The following RBFOX2 variants were observed in gnomAD, a reference collection of about 807,000 sequenced individuals.
RBFOX2 encodes the protein RNA binding protein fox-1 homolog 2.
RBFOX2 carries 10 observed loss-of-function variants against 49.1 expected under a neutral mutation model. The observed-to-expected ratio is 0.20, with a 90% CI of 0.13 to 0.35. The LOEUF (loss-of-function observed/expected upper bound fraction) is 0.35. Ranked by LOEUF, RBFOX2 falls within the 10% of genes least tolerant of loss-of-function variation. RBFOX2 has a pLI of 1.00. For missense variants in RBFOX2, 323 were observed against 486.9 expected, an observed-to-expected ratio of 0.66 and a Z score of 3.17; for synonymous variants, 183 against 187.4, an observed-to-expected ratio of 0.98 and a Z score of 0.19.
At chr22:36,017,908 T>C (rs549577236) in intron 1 of RBFOX2, among the ~76,000 whole-genome samples, 1 of 152,322 alleles carries the variant, frequency 6.6e-6, no homozygotes, top group South Asian at 2.1e-4. Flanking sequence ...CCCCAGCTTC[T>C]GTTTTCAGAG....
chr22:36,021,684 CTT>C (rs905276161), intron 1 of RBFOX2, among the ~76,000 whole-genome samples: 1 of 152,236 alleles, frequency 6.6e-6, no homozygotes, highest in Non-Finnish European at 1.5e-5. Context: ...TGCTCATTCT[CTT>C]GAGTAAATGA....
At chr22:35,993,290 C>T (rs1029303454) in intron 1 of RBFOX2, 3 of 152,172 alleles carry the variant, frequency 2.0e-5, no homozygotes, top group African/African-American at 7.2e-5. Flanking sequence ...AGCCACTGGA[C>T]TCTGACCATC....
rs1186816924 is a variant in RBFOX2 at position 36,028,709 on chromosome 22, C to G, written c.-284G>C. 7.9e-5 allele frequency among the ~76,000 whole-genome samples: 12 copies of G among 151,290 alleles called. No homozygotes were observed. In the East Asian group the frequency reaches 2.3e-3, roughly 30 times the overall value. ...CGCGCCCCCGCACGCACACGCGAAA[C>G]CCGGCCCGGCCCGCCGCGCCGCCCC... On this transcript the variant is annotated 5_prime_UTR_variant, in exon 1 of 14. Transcript: ENST00000438146.
upstream of RBFOX2, among the ~76,000 whole-genome samples, chr22:35,843,285 TG>T (rs2040743709): frequency 6.6e-6 from 1 of 152,074 alleles, no homozygotes; most frequent in Non-Finnish European, 1.5e-5. Context: ...TGGAACAGGG[TG>T]GGCACGATGA....
chr22:35,760,277 C>A (rs1938317513), intron 8 of RBFOX2, among the ~76,000 whole-genome samples: 1 of 152,162 alleles, frequency 6.6e-6, no homozygotes, highest in South Asian at 2.1e-4. Flanking sequence ...CTTCTCTGTT[C>A]CTTCTCAATT....
chr22:35,809,043 C>A (rs535645264), intron 2 of RBFOX2, among the ~76,000 whole-genome samples: 3 of 146,806 alleles, frequency 2.0e-5, no homozygotes, highest in Admixed American at 6.7e-5. Context: ...AGTAGGAAAT[C>A]GGCATTTGCA....
chr22:35,793,354 C>T (rs1948154393), intron 2 of RBFOX2, among the ~76,000 whole-genome samples: 1 of 152,146 alleles, frequency 6.6e-6, no homozygotes. Flanking sequence ...GCATGGGCAA[C>T]AAGAATGAAA....
chr22:35,837,221 T>A (rs1369887614), intron 1 of RBFOX2, among the ~76,000 whole-genome samples: 1 of 152,186 alleles, frequency 6.6e-6, no homozygotes, highest in Non-Finnish European at 1.5e-5. Context: ...GACAAGGATC[T>A]AATATGGTAT....
intron 1 of RBFOX2, among the ~76,000 whole-genome samples, chr22:35,852,984 G>A (rs2042111317): frequency 6.6e-6 from 1 of 151,990 alleles, no homozygotes; most frequent in East Asian, 1.9e-4. Context: ...GAAAAGATAC[G>A]ACTGATGCAT....
chr22:35,897,389 T>C (rs2047982850), intron 1 of RBFOX2: 1 of 1,061,194 alleles, frequency 9.4e-7, no homozygotes, highest in Non-Finnish European at 1.5e-6. Flanking sequence ...TACCAAGGTC[T>C]TCTAAGCTGG....
chr22:35,903,957 C>T (rs1436457236), intron 1 of RBFOX2, among the ~76,000 whole-genome samples: 1 of 151,794 alleles, frequency 6.6e-6, no homozygotes, highest in Non-Finnish European at 1.5e-5. Flanking sequence ...TCTTTCCAAA[C>T]TCCTTATGAT....
chr22:35,780,378 AAAC>A (rs1437623927), intron 3 of RBFOX2, among the ~76,000 whole-genome samples: 1 of 152,120 alleles, frequency 6.6e-6, no homozygotes, highest in Non-Finnish European at 1.5e-5. Flanking sequence ...CAAAAAAAAA[AAAC>A]AAAAAAACTA....
chr22:35,927,463 G>A (rs1057122659), intron 1 of RBFOX2, among the ~76,000 whole-genome samples: 2 of 152,134 alleles, frequency 1.3e-5, no homozygotes, highest in Non-Finnish European at 2.9e-5. Flanking sequence ...AATTAGCTGG[G>A]TGTGGTGGCA....
At chr22:36,012,599 A>G (rs1389519482) in intron 1 of RBFOX2, among the ~76,000 whole-genome samples, 1 of 151,982 alleles carries the variant, frequency 6.6e-6, no homozygotes, top group Non-Finnish European at 1.5e-5. Flanking sequence ...TCTCTTAAAA[A>G]TAATAATAAC....
At chr22:35,791,375 A>G (rs1327114085) in intron 2 of RBFOX2, among the ~76,000 whole-genome samples, 1 of 148,832 alleles carries the variant, frequency 6.7e-6, no homozygotes, top group Non-Finnish European at 1.5e-5. Context: ...ACAGAGCAAA[A>G]ACTCTGTCTC....
At chr22:35,871,240 G>A (rs183347203) in intron 1 of RBFOX2, among the ~76,000 whole-genome samples, 49 of 152,238 alleles carry the variant, frequency 3.2e-4, no homozygotes, top group Non-Finnish European at 6.2e-4. Flanking sequence ...TTATATAATC[G>A]GGTTTTCCCA....
At chr22:35,913,149 C>T (rs2050011594) in intron 1 of RBFOX2, among the ~76,000 whole-genome samples, 1 of 151,908 alleles carries the variant, frequency 6.6e-6, no homozygotes, top group South Asian at 2.1e-4. Context: ...TAAGAACTCA[C>T]CTTTAAAAAG....
At chr22:35,949,864 C>T (rs2054717497) in intron 1 of RBFOX2, among the ~76,000 whole-genome samples, 2 of 152,034 alleles carry the variant, frequency 1.3e-5, no homozygotes, top group Non-Finnish European at 1.5e-5. Context: ...TAGTTGGTTG[C>T]CTTTTCACTC....
intron 4 of RBFOX2, among the ~76,000 whole-genome samples, chr22:35,772,520 C>T (rs1337065885): frequency 1.3e-5 from 2 of 152,092 alleles, no homozygotes; most frequent in African/African-American, 4.8e-5. Context: ...TCCGTTTAAA[C>T]TCTCCAAATT....
Sources: gnomAD v4.1 joint callset for allele counts (sites outside exome capture counted in the v4.1 genomes callset) on GRCh38, gnomAD v4.1.1 for gene constraint, MANE v1.5 for transcripts, NCBI Gene and HGNC (gene_info 2026-07-23, HGNC 2026-07-21) for gene names.